The following GLB1 variants were observed in gnomAD, a reference collection of about 807,000 sequenced individuals.
GLB1 encodes galactosidase beta 1.
In GLB1, 56 loss-of-function variants were observed where a neutral mutation model predicts 74.0. That is an observed-to-expected ratio of 0.76 (90% CI 0.61 to 0.94). GLB1 has a LOEUF of 0.94. GLB1 is among the 40% of genes least tolerant of loss of function. The pLI is 0.00. For missense variants in GLB1, 787 were observed against 845.5 expected (o/e 0.93, Z 0.86); for synonymous variants, 323 against 323.6 (o/e 1.00, Z 0.02).
chr3:33,024,301 T>C lies in GLB1; in HGVS notation c.1093A>G (p.Ile365Val), dbSNP rs764895777. The C allele has an allele frequency of 1.6e-5, 26 of 1,599,000 alleles. No individual in the cohort carries two copies. In the South Asian group the frequency reaches 2.9e-4, roughly 18 times the overall value. The change falls in exon 11 of 16, where the codon ATC becomes GTC. Residue 365 changes from isoleucine to valine, a missense_variant. Ile to Val is a conservative substitution (Grantham distance 29, BLOSUM62 3). Transcript: ENST00000307363. ...QKFEKVPEGPIPPSTPKFAYG... is the reference protein window; with the variant it reads ...QKFEKVPEGPVPPSTPKFAYG... ...GCAAACTTTGGTGTAGATGGAGGGA[T>C]AGGACCTTCTGGTACTTTTTCAAAC...
rs1217050909 is a variant in GLB1, at chr3:33,049,109, T to C, written c.955+2649A>G. 2.6e-5 allele frequency among the ~76,000 whole-genome samples: 4 copies of C among 152,254 alleles called. 1 individual carries two copies. The South Asian group carries it at 6.2e-4, about 24-fold the overall frequency. On this transcript the variant is annotated intron_variant, in intron 9 of 15. Coordinates refer to ENST00000307363, the MANE Select transcript of GLB1 (RefSeq NM_000404.4). The stretch of plus-strand genomic sequence containing the variant: ...TTTTAAAAAATTGTGTCATGAACCA[T>C]AAAGTTCCAAAAACGATGCCTTTTT...
chr3:32,993,369 T>C (rs1372283623), downstream of GLB1, among the ~76,000 whole-genome samples: 1 of 151,958 alleles, frequency 6.6e-6, no homozygotes, highest in Admixed American at 6.6e-5. Flanking sequence ...GATTCTTTCT[T>C]TTTTGAGACA....
At chr3:33,068,425 G>T in intron 3 of GLB1, 135 bp from the exon 4 acceptor site, 3 of 1,222,776 alleles carry the variant, frequency 2.5e-6, no homozygotes, top group South Asian at 1.5e-5. Flanking sequence ...GGGCTTTTTG[G>T]TTTATAACTT....
chr3:32,988,702 A>G, the GLB1 span, among the ~76,000 whole-genome samples: 47 of 152,222 alleles, frequency 3.1e-4, no homozygotes, highest in Admixed American at 3.1e-3. Context: ...GTGAACTGAG[A>G]TGAATCTGCA....
intron 1 of GLB1, among the ~76,000 whole-genome samples, chr3:33,074,634 G>A (rs1286213547): frequency 1.3e-5 from 2 of 152,100 alleles, no homozygotes; most frequent in African/African-American, 4.8e-5. Flanking sequence ...GTTAAGCCGA[G>A]TGGAACACTG....
intron 15 of GLB1, among the ~76,000 whole-genome samples, chr3:33,009,570 T>C (rs1696938195): frequency 1.3e-5 from 2 of 152,188 alleles, no homozygotes; most frequent in Admixed American, 1.3e-4. Flanking sequence ...GCATGAGAGT[T>C]TGGTGCATAG....
At chr3:33,043,343 A>G (rs1698581175) in intron 10 of GLB1, among the ~76,000 whole-genome samples, 1 of 152,208 alleles carries the variant, frequency 6.6e-6, no homozygotes, top group Non-Finnish European at 1.5e-5. Flanking sequence ...TGTTTGTCAC[A>G]GGGCTGCGCT....
At chr3:33,006,240 G>A (rs1454259340) in intron 15 of GLB1, among the ~76,000 whole-genome samples, 2 of 152,094 alleles carry the variant, frequency 1.3e-5, no homozygotes, top group Non-Finnish European at 2.9e-5. Context: ...AGAGGTGAGC[G>A]AGCATTACTG....
Position 33,093,262 on chromosome 3 carries a change from C to A in GLB1, c.75+3749G>T. 6.2e-7 allele frequency: 1 copy of A among 1,614,132 alleles called. No individual in the cohort carries two copies. ...CCACTGCCACCACCACCACGTTGGGCCCGTGTGGCGGAAATCTTCACGTTC... is the reference window on the plus strand; with the variant it reads ...CCACTGCCACCACCACCACGTTGGGACCGTGTGGCGGAAATCTTCACGTTC... On this transcript the variant is annotated intron_variant, in intron 1 of 15. Transcript: ENST00000307363. This position sits in a 1 kb window ranked among gnomAD's most constrained non-coding sequence, Gnocchi z 6.0.
intron 9 of GLB1, among the ~76,000 whole-genome samples, chr3:33,050,921 C>T (rs975859880): frequency 6.6e-6 from 1 of 152,184 alleles, no homozygotes; most frequent in African/African-American, 2.4e-5. Context: ...TAAATGCTCA[C>T]ATTTATTTCC....
chr3:33,052,630 A>T (rs1167509414), intron 7 of GLB1: 5 of 153,300 alleles, frequency 3.3e-5, no homozygotes, highest in African/African-American at 4.8e-5. Flanking sequence ...ACTCCATTTA[A>T]AAATAAATAA....
At chr3:32,989,336 G>A in the GLB1 span, among the ~76,000 whole-genome samples, 4 of 152,266 alleles carry the variant, frequency 2.6e-5, no homozygotes, top group East Asian at 1.9e-4. Context: ...AAAGTTCCAC[G>A]TACCTTCTCT....
rs763547466 is a variant in GLB1 at position 33,068,288 on chromosome 3, T to C, written c.399A>G (p.Gly133=). The C allele has an allele frequency of 9.9e-6, 16 of 1,613,922 alleles. No homozygotes were observed. Among genetic ancestry groups the C allele is most frequent in the African/African-American group, 1.3e-5 (1 of 74,922 alleles). ...TCTCTAGCAGCCAAGCAGGTAATCC[T>C]CCCTAGTTCAGGGAAAACAAGCCAT... ...GPYICAEWEM[G]GLPAWLLEKE... Residue 133 remains glycine, a splice_region_variant and synonymous_variant, in exon 4 of 16, where the codon GGA becomes GGG. Coordinates refer to ENST00000307363, the MANE Select transcript of GLB1 (RefSeq NM_000404.4).
At chr3:33,014,373 T>C (rs1697157844) in intron 14 of GLB1, 63 bp from the exon 15 acceptor site, 2 of 1,591,138 alleles carry the variant, frequency 1.3e-6, no homozygotes, top group Non-Finnish European at 1.7e-6. Flanking sequence ...CACATGTCTC[T>C]GCATTCCAGG....
At chr3:33,039,219 G>A (rs2125502524) in intron 10 of GLB1, among the ~76,000 whole-genome samples, 1 of 150,160 alleles carries the variant, frequency 6.7e-6, no homozygotes, top group Middle Eastern at 3.5e-3. Flanking sequence ...AAACCCAGGA[G>A]GTGGAGGTTG....
intron 1 of GLB1, among the ~76,000 whole-genome samples, chr3:33,077,827 G>T (rs556343687): frequency 2.7e-5 from 4 of 150,412 alleles, no homozygotes; most frequent in African/African-American, 9.7e-5. Flanking sequence ...TTATATTTCA[G>T]TAAGTTATTT....
chr3:32,981,528 C>G, the GLB1 span, among the ~76,000 whole-genome samples: 1 of 151,964 alleles, frequency 6.6e-6, no homozygotes, highest in Non-Finnish European at 1.5e-5. Flanking sequence ...AACCCCAGCA[C>G]TTTGGGAGGC....
intron 15 of GLB1, among the ~76,000 whole-genome samples, chr3:33,011,347 T>C (rs891419903): frequency 1.3e-5 from 2 of 151,848 alleles, no homozygotes; most frequent in African/African-American, 4.8e-5. Context: ...TAAGTTGGAA[T>C]GAATTCAGAT....
intron 1 of GLB1, among the ~76,000 whole-genome samples, chr3:33,081,062 G>T (rs1178788040): frequency 6.6e-6 from 1 of 152,174 alleles, no homozygotes; most frequent in Non-Finnish European, 1.5e-5. Flanking sequence ...CAGAGGTGGG[G>T]GTCACTGGTC....
Sources: allele counts gnomAD v4.1 joint callset (sites outside exome capture counted in the v4.1 genomes callset), GRCh38; gene constraint gnomAD v4.1.1; non-coding constraint Gnocchi (gnomAD v3.1); transcripts MANE v1.5; gene names NCBI Gene and HGNC (gene_info 2026-07-23, HGNC 2026-07-21).